Variants in ILDR2 observed in about 807,000 individuals in gnomAD.
ILDR2 encodes the protein immunoglobulin-like domain-containing receptor 2.
ILDR2 carries 25 observed loss-of-function variants against 66.8 expected under a neutral mutation model. The observed-to-expected ratio is 0.37, with a 90% CI of 0.27 to 0.52. The LOEUF (loss-of-function observed/expected upper bound fraction) is 0.52. ILDR2 is among the 20% of genes least tolerant of loss of function. ILDR2 has a pLI of 0.88. For missense variants in ILDR2, 827 were observed against 876.8 expected, an observed-to-expected ratio of 0.94 and a Z score of 0.72; for synonymous variants, 367 against 357.2, an observed-to-expected ratio of 1.03 and a Z score of -0.31.
At chr1:166,947,896 T>A (rs539070127) in intron 3 of ILDR2, among the ~76,000 whole-genome samples, 2 of 152,054 alleles carry the variant, frequency 1.3e-5, no homozygotes, top group East Asian at 3.9e-4. Context: ...CCGGGGTGGC[T>A]GGGGGCTTAG....
At chr1:166,925,396 A>G (rs575436952) in intron 7 of ILDR2, among the ~76,000 whole-genome samples, 23 of 152,304 alleles carry the variant, frequency 1.5e-4, no homozygotes, top group African/African-American at 4.6e-4. Context: ...TCAGGGTTCC[A>G]GTTCTGGCAC....
intron 4 of ILDR2, among the ~76,000 whole-genome samples, chr1:166,937,394 G>A (rs905786557): frequency 5.3e-5 from 8 of 152,176 alleles, no homozygotes; most frequent in African/African-American, 9.7e-5. Context: ...AACTAGAGAC[G>A]TGGTCTCCAT....
In ILDR2 at chr1:166,922,666, C is replaced by T. The variant is rs772747883; in HGVS notation, c.1138G>A (p.Gly380Ser). 6.2e-7 allele frequency: 1 copy of T among 1,614,212 alleles called. No homozygotes were observed. Among genetic ancestry groups the T allele is most frequent in the Admixed American group, 1.7e-5 (1 of 60,032 alleles). ...GGCCCGCGGCTTGCCCCACTGCTGC[C>T]TCCCATGACACCTGACCAATAGTCA... ...NPDYWSGVMG[G>S]SSGASRGPSA... is the part of the protein sequence containing the mutation. The change falls in exon 8 of 10, where the codon GGC becomes AGC. Residue 380 changes from glycine (G) to serine (S), a missense_variant. By Grantham distance (56) the Gly-to-Ser change is moderately conservative. Transcript: ENST00000271417.
Position 166,915,462 on chromosome 1 carries a change from CCAAT to C in ILDR2, c.*3889_*3892del, listed in dbSNP as rs1232843856. On this transcript the variant is annotated 3_prime_UTR_variant, in exon 10 of 10. Coordinates refer to ENST00000271417, the MANE Select transcript of ILDR2 (RefSeq NM_199351.3). ...ATATGAATTCTGGCTCTAGACCCAC[CCAAT>C]CAATCTCCAAAACAGGGTCCAACAA... 9.9e-5 allele frequency: 15 copies of C among 152,150 alleles called. No individual in the cohort carries two copies. Among genetic ancestry groups the C allele is most frequent in the African/African-American group, 2.9e-4 (12 of 41,440 alleles). The allele number at this position is 152,150 out of a possible 1,614,324, so 9.4% of individuals were successfully genotyped here. A position where few individuals can be genotyped will look rare whatever the true frequency, so the allele number is the denominator to read the frequency against.
rs1365941919 is a variant in ILDR2, at chr1:166,919,354, A to G, written c.*1T>C. 6.2e-7 allele frequency: 1 copy of G among 1,612,540 alleles called. No homozygotes were observed. Among genetic ancestry groups the G allele is most frequent in the African/African-American group, 1.3e-5 (1 of 74,912 alleles). ...CATTATCCAGAGAAATGTTGACAACATCAGACCACAAGGGACATCCTGGTT... is the reference window on the plus strand; with the variant it reads ...CATTATCCAGAGAAATGTTGACAACGTCAGACCACAAGGGACATCCTGGTT... On this transcript the variant is annotated 3_prime_UTR_variant, in exon 10 of 10. Transcript: ENST00000271417.
In ILDR2 at chr1:166,918,477, A is replaced by G. The variant is rs1659725157; in HGVS notation, c.*878T>C. ...TTCCTCCCTCTTCTCTTTCATGTGT[A>G]TATTTTAAGCATTTATCACAAGGCA... On this transcript the variant is annotated 3_prime_UTR_variant, in exon 10 of 10. Transcript: ENST00000271417. 6.6e-6 allele frequency: 1 copy of G among 152,190 alleles called. No homozygotes were observed. The highest frequency in any genetic ancestry group is 2.4e-5 in the African/African-American group (1 of 41,422). The allele number at this position is 152,190 out of a possible 1,614,324, so 9.4% of individuals were successfully genotyped here.
intron 3 of ILDR2, among the ~76,000 whole-genome samples, chr1:166,948,406 C>T (rs1409058245): frequency 1.3e-5 from 2 of 152,170 alleles, no homozygotes; most frequent in Non-Finnish European, 1.5e-5. Flanking sequence ...CCAAGCTCAC[C>T]CAGATCCTAA....
intron 7 of ILDR2, among the ~76,000 whole-genome samples, chr1:166,925,666 G>A (rs1557933822): frequency 2.6e-5 from 4 of 152,130 alleles, no homozygotes; most frequent in African/African-American, 4.8e-5. Flanking sequence ...TTGTGTCACC[G>A]CATCCCTAGG....
At chr1:166,970,331 A>G (rs112315641) in intron 1 of ILDR2, among the ~76,000 whole-genome samples, 20 of 152,004 alleles carry the variant, frequency 1.3e-4, no homozygotes, top group African/African-American at 4.6e-4. Flanking sequence ...AGAAAGTCTG[A>G]AAAAAAATAA....
intron 1 of ILDR2, among the ~76,000 whole-genome samples, chr1:166,967,321 C>T (rs1348944587): frequency 6.6e-6 from 1 of 152,128 alleles, no homozygotes; most frequent in Admixed American, 6.5e-5. Context: ...GAGAGAAATA[C>T]ACTCTTTTGT....
chr1:166,973,753 C>T (rs1348273032), intron 1 of ILDR2, among the ~76,000 whole-genome samples: 1 of 151,888 alleles, frequency 6.6e-6, no homozygotes, highest in East Asian at 1.9e-4. Flanking sequence ...GTGGAAGGCA[C>T]TGGGAGGCCA....
intron 1 of ILDR2, among the ~76,000 whole-genome samples, chr1:166,959,940 C>T (rs1347229018): frequency 6.6e-6 from 1 of 152,228 alleles, no homozygotes; most frequent in East Asian, 1.9e-4. Flanking sequence ...CAAAAAAGGA[C>T]TACTTTCCAT....
chr1:166,916,120 G>T lies in ILDR2; in HGVS notation c.*3235C>A, dbSNP rs144367833. 1.3e-5 allele frequency: 2 copies of T among 152,390 alleles called. No individual in the cohort carries two copies. The highest frequency in any genetic ancestry group is 4.8e-5 in the African/African-American group (2 of 41,424). 9.4% of individuals were successfully genotyped at this position (152,390 alleles called of 1,614,324 possible). A position where few individuals can be genotyped will look rare whatever the true frequency, so the allele number is the denominator to read the frequency against. On this transcript the variant is annotated 3_prime_UTR_variant, in exon 10 of 10. Transcript: ENST00000271417. ...CTGCATCCACACTCCCTCCTCCAGC[G>T]TGTTCCTGACTCAGTAGTGACTCAC...
Position 166,910,907 on chromosome 1 carries a change from C to CA in ILDR2, c.*8447_*8448insT, listed in dbSNP as rs1553224736. ...TGAGTCTAGTCCTTCCTTGCTGCTT[C>CA]TTTTTTTTCTTGTCTTTTTAAATTT... On this transcript the variant is annotated 3_prime_UTR_variant, in exon 10 of 10. Coordinates refer to ENST00000271417, the MANE Select transcript of ILDR2 (RefSeq NM_199351.3). 2.0e-5 allele frequency: 3 copies of CA among 152,056 alleles called. No individual in the cohort carries two copies. Among genetic ancestry groups the CA allele is most frequent in the Admixed American group, 6.6e-5 (1 of 15,262 alleles). The allele number at this position is 152,056 out of a possible 1,614,324, so 9.4% of individuals were successfully genotyped here.
chr1:166,927,309 T>C, intron 6 of ILDR2, 129 bp from the exon 7 acceptor site: 2 of 635,488 alleles, frequency 3.1e-6, no homozygotes, highest in Non-Finnish European at 5.5e-6. Context: ...CACCCAGAAA[T>C]AACGATCTAT....
At chr1:166,938,740 G>T (rs907429979) in intron 4 of ILDR2, among the ~76,000 whole-genome samples, 8 of 152,184 alleles carry the variant, frequency 5.3e-5, no homozygotes, top group Non-Finnish European at 8.8e-5. Flanking sequence ...AACTTTGGCA[G>T]AAACCCTCCA....
At chr1:166,897,183 C>T (rs1013488104) in intron 2 of ILDR2, among the ~76,000 whole-genome samples, 2 of 151,750 alleles carry the variant, frequency 1.3e-5, no homozygotes, top group Non-Finnish European at 2.9e-5. Flanking sequence ...CTATAGTCCA[C>T]ATTAGAGCTA....
intron 2 of ILDR2, among the ~76,000 whole-genome samples, chr1:166,900,586 G>A (rs1294572895): frequency 6.6e-6 from 1 of 152,148 alleles, no homozygotes. Flanking sequence ...TCAAAGATGG[G>A]TAAACCACAG....
chr1:166,954,150 TG>T (rs1662140763), intron 3 of ILDR2, among the ~76,000 whole-genome samples: 1 of 152,230 alleles, frequency 6.6e-6, no homozygotes, highest in Non-Finnish European at 1.5e-5. Flanking sequence ...ACTGAGCCAG[TG>T]GTTCATGAAC....
Sources: gnomAD v4.1 joint callset for allele counts (sites outside exome capture counted in the v4.1 genomes callset) on GRCh38, gnomAD v4.1.1 for gene constraint, MANE v1.5 for transcripts, NCBI Gene and HGNC (gene_info 2026-07-23, HGNC 2026-07-21) for gene names.